The following CDH23 variants were observed in gnomAD, a reference collection of about 807,000 sequenced individuals.
The protein encoded by CDH23 is cadherin-23.
Under a neutral mutation model 317.1 loss-of-function variants are expected in CDH23, and 189 were observed. The ratio of observed to expected loss-of-function variants is 0.60; its 90% CI spans 0.53 to 0.67. The LOEUF (loss-of-function observed/expected upper bound fraction) is 0.67. CDH23 is among the 30% of genes least tolerant of loss of function. The pLI, the probability that CDH23 is intolerant of heterozygous loss-of-function variation, is 0.00. For synonymous variants in CDH23, 1,839 were observed against 1,876.8 expected, an observed-to-expected ratio of 0.98 and a Z score of 0.52; for missense variants, 4,401 against 4,592.4, an observed-to-expected ratio of 0.96 and a Z score of 1.20.
intron 38 of CDH23, chr10:71,773,296 C>T (rs1213983407): frequency 5.9e-6 from 9 of 1,531,290 alleles, no homozygotes; most frequent in Non-Finnish European, 8.0e-6. Context: ...TCCCACAGTT[C>T]CCACTCCAGT....
intron 6 of CDH23, among the ~76,000 whole-genome samples, chr10:71,548,235 C>T (rs150810436): frequency 6.6e-6 from 1 of 152,198 alleles, no homozygotes; most frequent in African/African-American, 2.4e-5. Context: ...CCACATCACA[C>T]GCAGTCATGC....
chr10:71,812,443 T>TTCCAA, intron 66 of CDH23, 37 bp from the exon 67 acceptor site: 26 of 1,537,850 alleles, frequency 1.7e-5, no homozygotes, highest in East Asian at 2.3e-5. Context: ...ACTCGAGCCT[T>TTCCAA]CCCTCCCTCC....
chr10:71,538,628 G>A (rs1279274958), intron 6 of CDH23, among the ~76,000 whole-genome samples: 1 of 152,188 alleles, frequency 6.6e-6, no homozygotes, highest in Non-Finnish European at 1.5e-5. Context: ...GTCTGATGCT[G>A]AGGCGAATAT....
At position 71,528,533 on chromosome 10, in the gene CDH23, G is replaced by T. The variant is rs1037416778; in HGVS notation, c.429+17321G>T. On this transcript the variant is annotated intron_variant, in intron 6 of 69. Transcript: ENST00000224721. The stretch of plus-strand genomic sequence containing the variant: ...CGGCAGACACAGCTTTTTTGTTTTT[G>T]GTTAAAAAGCCTCATCGGAGCGTTA... Among the ~76,000 whole-genome samples, 5 of 152,164 alleles carry T rather than the reference G, an allele frequency of 3.3e-5. No individual in the cohort carries two copies. The South Asian group carries it at 1.0e-3, about 31-fold the overall frequency.
chr10:71,571,498 C>A (rs1466005706), intron 8 of CDH23, among the ~76,000 whole-genome samples: 1 of 152,224 alleles, frequency 6.6e-6, no homozygotes, highest in South Asian at 2.1e-4. Flanking sequence ...TCATAGGTCA[C>A]CAGCCTGTAG....
intron 18 of CDH23, among the ~76,000 whole-genome samples, chr10:71,686,335 G>A (rs532178829): frequency 1.3e-5 from 2 of 152,160 alleles, no homozygotes; most frequent in African/African-American, 4.8e-5. Context: ...ACGCAGCTGG[G>A]GCATTGGACA....
At chr10:71,748,935 C>T (rs1033306282) in intron 38 of CDH23, 1 of 152,928 alleles carries the variant, frequency 6.5e-6, no homozygotes, top group Non-Finnish European at 1.5e-5. Flanking sequence ...AAACAGGAAA[C>T]CACGAAGCCC....
Position 71,710,047 on chromosome 10 carries a change from T to C in CDH23, c.3220+836T>C, listed in dbSNP as rs1408971351. 2.0e-5 allele frequency among the ~76,000 whole-genome samples: 3 copies of C among 152,214 alleles called. No homozygotes were observed. In the East Asian group the frequency reaches 5.8e-4, roughly 29 times the overall value. ...AACAGTGTAGGAGAAAATGCCCCCA[T>C]GATTCAATGATCTCCCGCTGGCTCC... On this transcript the variant is annotated intron_variant, in intron 27 of 69. Coordinates refer to ENST00000224721, the MANE Select transcript of CDH23 (RefSeq NM_022124.6).
At chr10:71,801,150 C>CTTTTTTTTTTTT (rs386371783) in intron 53 of CDH23, among the ~76,000 whole-genome samples, 1 of 73,958 alleles carries the variant, frequency 1.4e-5, no homozygotes, top group African/African-American at 5.9e-5. Flanking sequence ...CTCTCTCTCT[C>CTTTTTTTTTTTT]TTTTTTTTTT....
At chr10:71,657,920 T>TAG (rs1554852140) in intron 14 of CDH23, among the ~76,000 whole-genome samples, 5 of 151,336 alleles carry the variant, frequency 3.3e-5, no homozygotes, top group Admixed American at 3.3e-4. Context: ...GAGGGACACA[T>TAG]ACACACACAC....
At chr10:71,681,111 A>G (rs987805945) in intron 17 of CDH23, among the ~76,000 whole-genome samples, 1 of 151,936 alleles carries the variant, frequency 6.6e-6, no homozygotes, top group Admixed American at 6.6e-5. Flanking sequence ...TACAGGTGTG[A>G]GCCACTGTGC....
chr10:71,457,236 G>T (rs1345761427), intron 3 of CDH23, among the ~76,000 whole-genome samples: 3 of 152,158 alleles, frequency 2.0e-5, no homozygotes, highest in Non-Finnish European at 4.4e-5. Flanking sequence ...TCTTGAAGTT[G>T]TTGTGGTTAA....
chr10:71,593,684 A>G (rs1477639576), intron 9 of CDH23, among the ~76,000 whole-genome samples: 1 of 152,358 alleles, frequency 6.6e-6, no homozygotes, highest in East Asian at 1.9e-4. Context: ...TGGTGGACAC[A>G]TGTAAAGATG....
At chr10:71,605,821 A>G (rs1860496678) in intron 9 of CDH23, among the ~76,000 whole-genome samples, 2 of 152,210 alleles carry the variant, frequency 1.3e-5, no homozygotes. Context: ...CACTATGGTG[A>G]ACATCCTGGT....
At position 71,514,239 on chromosome 10, in the gene CDH23, C is replaced by A. The variant is rs114947327; in HGVS notation, c.429+3027C>A. Among the ~76,000 whole-genome samples, 957 of 152,304 alleles carry A rather than the reference C, an allele frequency of 6.3e-3. 12 individuals carry two copies. Among genetic ancestry groups the A allele is most frequent in the African/African-American group, 0.022 (907 of 41,548 alleles). ...ATTTCCCAGGGGACTGGTTAGAAAG[C>A]ATATTCCCAACCTCTGCAATTGTGA... On this transcript the variant is annotated intron_variant, in intron 6 of 69. Transcript: ENST00000224721.
At chr10:71,560,511 G>A (rs546651428) in intron 6 of CDH23, among the ~76,000 whole-genome samples, 2 of 152,214 alleles carry the variant, frequency 1.3e-5, no homozygotes, top group African/African-American at 4.8e-5. Context: ...GAATCCTGAG[G>A]TCTGGGCACA....
intron 6 of CDH23, among the ~76,000 whole-genome samples, chr10:71,556,614 G>A (rs1856888628): frequency 6.6e-6 from 1 of 151,812 alleles, no homozygotes; most frequent in African/African-American, 2.4e-5. Context: ...AAAAGAAAGG[G>A]AGGAGGCCAC....
intron 8 of CDH23, among the ~76,000 whole-genome samples, chr10:71,575,918 T>C (rs1413590397): frequency 6.6e-6 from 1 of 152,208 alleles, no homozygotes; most frequent in African/African-American, 2.4e-5. Flanking sequence ...TTATTAAAAG[T>C]GGATTTATTT....
chr10:71,715,822 T>C (rs972242661), intron 28 of CDH23: 1 of 1,032,654 alleles, frequency 9.7e-7, no homozygotes, highest in Admixed American at 3.6e-5. Context: ...GGTGAGTGTG[T>C]GTCCCAGACT....
Sources: allele counts gnomAD v4.1 joint callset (sites outside exome capture counted in the v4.1 genomes callset), GRCh38; gene constraint gnomAD v4.1.1; transcripts MANE v1.5; gene names NCBI Gene and HGNC (gene_info 2026-07-23, HGNC 2026-07-21).